VPS54: variants seen among roughly 807,000 people sequenced by gnomAD.
VPS54 encodes VPS54 subunit of GARP complex, also known as vacuolar protein sorting-associated protein 54.
A neutral mutation model predicts 121.5 loss-of-function variants in VPS54; 45 were observed. The ratio of observed to expected loss-of-function variants is 0.37; its 90% CI spans 0.29 to 0.47. The LOEUF is 0.47. Among genes scored for constraint, VPS54 ranks in the 20% least tolerant of loss-of-function variants. The pLI is 0.99. For missense variants in VPS54, 1,090 were observed against 1,131.4 expected, an observed-to-expected ratio of 0.96 and a Z score of 0.52; for synonymous variants, 371 against 385.8, an observed-to-expected ratio of 0.96 and a Z score of 0.45.
intron 3 of VPS54, chr2:63,974,970 CAG>C (rs1491451363): frequency 1.9e-6 from 3 of 1,545,526 alleles, no homozygotes; most frequent in African/African-American, 2.7e-5. Context: ...GAAACAGTGA[CAG>C]GGGACATCCT....
intron 1 of VPS54, among the ~76,000 whole-genome samples, 160 bp downstream of exon 1, chr2:64,018,778 G>A (rs919734496): frequency 1.3e-4 from 19 of 150,674 alleles, no homozygotes; most frequent in Non-Finnish European, 1.8e-4. Context: ...AAGTGGCGGA[G>A]AGGAGCATGG....
At chr2:63,998,665 G>A (rs1283873154) in intron 1 of VPS54, among the ~76,000 whole-genome samples, 3 of 151,894 alleles carry the variant, frequency 2.0e-5, no homozygotes, top group Admixed American at 6.6e-5. Flanking sequence ...TGTATAAATA[G>A]GCAAAAAGAA....
intron 3 of VPS54, among the ~76,000 whole-genome samples, chr2:63,977,359 C>T (rs13032357): frequency 0.18 from 27,449 of 152,174 alleles, 3,173 homozygotes; most frequent in Middle Eastern, 0.27. Flanking sequence ...TCTTCTTAAG[C>T]ATTAAATGAA....
chr2:63,969,149 A>G (rs1454866669), intron 4 of VPS54, among the ~76,000 whole-genome samples, 158 bp from the exon 5 acceptor site: 1 of 152,238 alleles, frequency 6.6e-6, no homozygotes, highest in African/African-American at 2.4e-5. Flanking sequence ...TTACATGCCT[A>G]GTAGTAGGCA....
chr2:63,979,629 T>G (rs1175486650), intron 3 of VPS54, among the ~76,000 whole-genome samples: 1 of 152,168 alleles, frequency 6.6e-6, no homozygotes, highest in Non-Finnish European at 1.5e-5. Flanking sequence ...GCTACAAATT[T>G]CTCCCTAAGT....
chr2:63,903,867 A>G (rs866697222), intron 20 of VPS54, among the ~76,000 whole-genome samples: 1 of 152,290 alleles, frequency 6.6e-6, no homozygotes, highest in African/African-American at 2.4e-5. Flanking sequence ...AACAAACAGA[A>G]GACAGCTAGC....
chr2:63,914,345 T>A, intron 16 of VPS54, 58 bp from the exon 17 acceptor site: 1 of 1,192,504 alleles, frequency 8.4e-7, no homozygotes, highest in African/African-American at 1.5e-5. Context: ...TCAAAAGGAT[T>A]TGGCATATAA....
At chr2:63,916,408 C>T (rs949611042) in intron 16 of VPS54, among the ~76,000 whole-genome samples, 2 of 152,042 alleles carry the variant, frequency 1.3e-5, no homozygotes, top group Middle Eastern at 3.2e-3. Flanking sequence ...GAATAACTAC[C>T]AACAACTATC....
chr2:63,916,311 A>T (rs1431531647), intron 16 of VPS54, among the ~76,000 whole-genome samples: 1 of 152,180 alleles, frequency 6.6e-6, no homozygotes, highest in Non-Finnish European at 1.5e-5. Context: ...TAGACAAAAA[A>T]AGATGGAATT....
chr2:63,904,749 T>C (rs1672836603), intron 20 of VPS54, among the ~76,000 whole-genome samples: 1 of 152,182 alleles, frequency 6.6e-6, no homozygotes, highest in African/African-American at 2.4e-5. Context: ...AAAATACACA[T>C]TGTTTTCATG....
At chr2:64,001,569 T>A (rs1677882142) in intron 1 of VPS54, among the ~76,000 whole-genome samples, 1 of 152,028 alleles carries the variant, frequency 6.6e-6, no homozygotes, top group African/African-American at 2.4e-5. Flanking sequence ...CAAGGGCCCT[T>A]TAGTCAGCAC....
intron 12 of VPS54, among the ~76,000 whole-genome samples, chr2:63,926,826 G>A (rs1386252272): frequency 6.6e-6 from 1 of 152,142 alleles, no homozygotes; most frequent in South Asian, 2.1e-4. Context: ...GGCAGACCAG[G>A]AGATCCCCTC....
At chr2:63,934,231 T>A (rs1674350626) in intron 11 of VPS54, among the ~76,000 whole-genome samples, 1 of 152,154 alleles carries the variant, frequency 6.6e-6, no homozygotes, top group Non-Finnish European at 1.5e-5. Flanking sequence ...AGAAATAAAC[T>A]TCCTATATTT....
At chr2:63,902,705 A>C (rs1672733378) in intron 20 of VPS54, among the ~76,000 whole-genome samples, 1 of 152,228 alleles carries the variant, frequency 6.6e-6, no homozygotes, top group African/African-American at 2.4e-5. Context: ...ACAGTGGCTC[A>C]AGCCTGTATT....
chr2:63,986,701 A>G (rs1677069350), intron 1 of VPS54, among the ~76,000 whole-genome samples: 1 of 152,174 alleles, frequency 6.6e-6, no homozygotes, highest in African/African-American at 2.4e-5. Context: ...ACTAATTTAC[A>G]TTACCACTAA....
At position 63,949,127 on chromosome 2, in the gene VPS54, C is replaced by A; in HGVS notation, c.1047G>T (p.Leu349=). Reference sequence around the variant, plus strand: ...ATTCTGCAATCATCATTTTATCTATCAGTTTTTCTAATTCACAAAGCTGTG... The same window carrying A: ...ATTCTGCAATCATCATTTTATCTATAAGTTTTTCTAATTCACAAAGCTGTG... ...LGSQLCELEK[L]IDKMMIAEFS... is the part of the protein sequence containing the mutation. Residue 349 remains leucine (L), a synonymous_variant, in exon 8 of 23, where the codon CTG becomes CTT. Transcript: ENST00000272322. 6.2e-7 allele frequency: 1 copy of A among 1,611,136 alleles called. No homozygotes were observed. The highest frequency in any genetic ancestry group is 8.5e-7 in the Non-Finnish European group (1 of 1,179,264).
At chr2:63,929,423 A>C (rs564508394) in intron 12 of VPS54, among the ~76,000 whole-genome samples, 33 of 152,300 alleles carry the variant, frequency 2.2e-4, no homozygotes, top group Non-Finnish European at 3.5e-4. Context: ...CTACTGGGTA[A>C]ATAACAAAAT....
chr2:63,952,004 T>A (rs1675273383), intron 7 of VPS54, among the ~76,000 whole-genome samples: 1 of 152,164 alleles, frequency 6.6e-6, no homozygotes, highest in Non-Finnish European at 1.5e-5. Context: ...TGGTGGTAGC[T>A]CCCTAGTCAT....
chr2:63,899,270 C>T (rs1480267033), intron 21 of VPS54, among the ~76,000 whole-genome samples: 1 of 152,172 alleles, frequency 6.6e-6, no homozygotes, highest in African/African-American at 2.4e-5. Flanking sequence ...TAGTAAAGCT[C>T]TAGCTCTGGT....
Sources: allele counts gnomAD v4.1 joint callset (sites outside exome capture counted in the v4.1 genomes callset), GRCh38; gene constraint gnomAD v4.1.1; transcripts MANE v1.5; gene names NCBI Gene and HGNC (gene_info 2026-07-23, HGNC 2026-07-21).